NRG1: variants seen among roughly 807,000 people sequenced by gnomAD.
NRG1 encodes neuregulin 1.
NRG1 carries 18 observed loss-of-function variants against 63.8 expected under a neutral mutation model. That is an observed-to-expected ratio of 0.28 (90% confidence interval 0.19 to 0.42). The LOEUF (loss-of-function observed/expected upper bound fraction) is 0.42, where lower values mean the gene tolerates loss of function less well. NRG1 is among the 10% of genes least tolerant of loss of function. NRG1 has a pLI of 1.00. For synonymous variants in NRG1, 302 were observed against 301.3 expected, an observed-to-expected ratio of 1.00 and a Z score of -0.02; for missense variants, 762 against 814.7, an observed-to-expected ratio of 0.94 and a Z score of 0.79.
At chr8:32,298,672 C>T (rs1326210894) in intron 1 of NRG1, among the ~76,000 whole-genome samples, 2 of 148,280 alleles carry the variant, frequency 1.3e-5, no homozygotes, top group Non-Finnish European at 3.0e-5. Flanking sequence ...CGAGACTGCA[C>T]CATTGCACTC....
chr8:32,174,694 C>T (rs1191084808), intron 1 of NRG1, among the ~76,000 whole-genome samples: 2 of 152,160 alleles, frequency 1.3e-5, no homozygotes, highest in African/African-American at 4.8e-5. Flanking sequence ...TCAGAGAATA[C>T]TATAAACATC....
At position 31,925,062 on chromosome 8, in the gene NRG1, G is replaced by A. The variant is rs144093310; in HGVS notation, c.37+285631G>A. 1.3e-4 allele frequency among the ~76,000 whole-genome samples: 19 copies of A among 148,786 alleles called. No individual in the cohort carries two copies. The East Asian group carries it at 3.1e-3, about 24-fold the overall frequency. ...TTCAATTTGCCCTGGGAAGTAACAT[G>A]CATTTTGCTTATTTTAAAAGCAGTG... is the stretch of plus-strand genomic sequence containing the variant. On this transcript the variant is annotated intron_variant, in intron 1 of 10. Coordinates refer to the NRG1 transcript ENST00000519301.
chr8:32,644,614 G>A (rs901145593), intron 5 of NRG1, among the ~76,000 whole-genome samples: 12 of 152,298 alleles, frequency 7.9e-5, no homozygotes, highest in African/African-American at 2.9e-4. Context: ...GCACCAAGGT[G>A]GAATGACTTT....
At chr8:32,482,864 A>G (rs1825475956) in intron 1 of NRG1, among the ~76,000 whole-genome samples, 1 of 152,216 alleles carries the variant, frequency 6.6e-6, no homozygotes, top group South Asian at 2.1e-4. Flanking sequence ...AGGCACTCCC[A>G]GCCGTCAACC....
intron 1 of NRG1, among the ~76,000 whole-genome samples, chr8:31,910,102 G>A (rs918694236): frequency 3.3e-5 from 5 of 152,194 alleles, no homozygotes; most frequent in Admixed American, 2.0e-4. Context: ...TATTTCCATA[G>A]GGTTTCTGAG....
intron 6 of NRG1, among the ~76,000 whole-genome samples, chr8:32,729,721 A>G (rs890189569): frequency 6.6e-6 from 1 of 152,238 alleles, no homozygotes; most frequent in Non-Finnish European, 1.5e-5. Context: ...AATTATATTT[A>G]TAAGTAAGGA....
chr8:32,737,843 GTTTT>G (rs1589509293), intron 6 of NRG1, among the ~76,000 whole-genome samples: 1 of 151,568 alleles, frequency 6.6e-6, no homozygotes, highest in Non-Finnish European at 1.5e-5. Context: ...CGCCCAACCA[GTTTT>G]TTTATTTTTG....
At chr8:32,524,059 G>A (rs1370174378) in intron 1 of NRG1, among the ~76,000 whole-genome samples, 5 of 152,056 alleles carry the variant, frequency 3.3e-5, no homozygotes, top group African/African-American at 1.2e-4. Context: ...GGCTGAGGCA[G>A]GAGGATTGTT....
chr8:32,320,855 T>C (rs1801301960), intron 1 of NRG1, among the ~76,000 whole-genome samples: 1 of 152,204 alleles, frequency 6.6e-6, no homozygotes, highest in Admixed American at 6.5e-5. Flanking sequence ...TCTTGAGTAA[T>C]CTGGTTAATT....
intron 1 of NRG1, among the ~76,000 whole-genome samples, chr8:31,959,586 A>G (rs921427004): frequency 6.6e-6 from 1 of 152,078 alleles, no homozygotes; most frequent in Non-Finnish European, 1.5e-5. Context: ...ACCGGGTACT[A>G]TCCTGAGTTG....
intron 1 of NRG1, among the ~76,000 whole-genome samples, chr8:31,958,374 G>T (rs1373289615): frequency 6.6e-6 from 1 of 152,034 alleles, no homozygotes; most frequent in Non-Finnish European, 1.5e-5. Flanking sequence ...GCAACTTAAA[G>T]GGAAAAAAAA....
chr8:31,697,886 CTCTT>C (rs749217782), intron 1 of NRG1, among the ~76,000 whole-genome samples: 40 of 145,166 alleles, frequency 2.8e-4, no homozygotes, highest in Non-Finnish European at 5.3e-4. Flanking sequence ...TTCTCTTTCT[CTCTT>C]TCTTTCTTTT....
intron 11 of NRG1, chr8:32,760,959 A>C: frequency 1.0e-6 from 1 of 986,472 alleles, no homozygotes. Flanking sequence ...AATTCCAAGA[A>C]GGGATGAATA....
intron 1 of NRG1, among the ~76,000 whole-genome samples, chr8:32,503,462 A>G (rs1445910117): frequency 6.6e-6 from 1 of 152,142 alleles, no homozygotes; most frequent in Non-Finnish European, 1.5e-5. Context: ...GTCGGAAACT[A>G]TTTTTAAGTC....
intron 1 of NRG1, among the ~76,000 whole-genome samples, chr8:32,152,784 C>CA (rs1003715946): frequency 1.3e-5 from 2 of 151,852 alleles, no homozygotes; most frequent in Admixed American, 6.6e-5. Flanking sequence ...ACTTTCAAGT[C>CA]AAAAAAAAGT....
At chr8:31,720,054 A>T (rs972929882) in intron 1 of NRG1, among the ~76,000 whole-genome samples, 6 of 152,124 alleles carry the variant, frequency 3.9e-5, no homozygotes, top group Admixed American at 3.9e-4. Context: ...AATAACTTTT[A>T]AAAAAATACA....
rs367657868 is a variant in NRG1 at position 32,763,312 on chromosome 8, A to G, written c.1260-436A>G. The stretch of plus-strand genomic sequence containing the variant: ...AGCAACTCATCTTAGATCTTCTTCC[A>G]TTCCCCATTTGGGCTTCATTCTCTA... On this transcript the variant is annotated intron_variant, in intron 11 of 11. Coordinates refer to ENST00000356819, the Ensembl canonical transcript of NRG1. 3.7e-6 allele frequency: 6 copies of G among 1,614,070 alleles called. No homozygotes were observed. In the South Asian group the frequency reaches 5.5e-5, roughly 15 times the overall value.
At chr8:32,398,984 G>A (rs1160594177) in intron 1 of NRG1, among the ~76,000 whole-genome samples, 1 of 151,942 alleles carries the variant, frequency 6.6e-6, no homozygotes, top group Non-Finnish European at 1.5e-5. Context: ...GATAATCTTT[G>A]CTTAAAATAA....
intron 1 of NRG1, among the ~76,000 whole-genome samples, chr8:31,920,913 T>TAGATAGAC (rs1165417153): frequency 7.7e-5 from 10 of 129,140 alleles, no homozygotes; most frequent in African/African-American, 2.1e-4. Flanking sequence ...GATAGATAGA[T>TAGATAGAC]AGATAGATAG....
Sources: allele counts gnomAD v4.1 joint callset (sites outside exome capture counted in the v4.1 genomes callset), GRCh38; gene constraint gnomAD v4.1.1; transcripts MANE v1.5; gene names NCBI Gene and HGNC (gene_info 2026-07-23, HGNC 2026-07-21).